The following TPTE2 variants were observed in gnomAD, a reference collection of about 807,000 sequenced individuals.
TPTE2 encodes the protein transmembrane phosphoinositide 3-phosphatase and tensin homolog 2, also known as phosphatidylinositol 3,4,5-trisphosphate 3-phosphatase TPTE2.
Under a neutral mutation model 78.6 loss-of-function variants are expected in TPTE2, and 53 were observed. The ratio of observed to expected loss-of-function variants is 0.67; its 90% CI spans 0.54 to 0.85. TPTE2 has a LOEUF of 0.85. Among genes scored for constraint, TPTE2 ranks in the 40% least tolerant of loss-of-function variants. TPTE2 has a pLI of 0.00. For missense variants in TPTE2, 461 were observed against 623.0 expected (o/e 0.74, Z 2.77); for synonymous variants, 175 against 206.2 (o/e 0.85, Z 1.30).
intron 1 of TPTE2, among the ~76,000 whole-genome samples, chr13:19,498,561 G>A (rs1025408694): frequency 9.9e-5 from 15 of 151,592 alleles, no homozygotes; most frequent in African/African-American, 1.9e-4. Flanking sequence ...CTTCATAAGC[G>A]AAGGAGAAAT....
intron 3 of TPTE2, among the ~76,000 whole-genome samples, chr13:19,484,955 G>A (rs1344178992): frequency 6.6e-6 from 1 of 152,018 alleles, no homozygotes; most frequent in Non-Finnish European, 1.5e-5. Flanking sequence ...ATCCTTCATG[G>A]GGTATTTAAT....
chr13:19,474,321 A>C (rs970472936), intron 5 of TPTE2, among the ~76,000 whole-genome samples: 1 of 152,180 alleles, frequency 6.6e-6, no homozygotes, highest in Non-Finnish European at 1.5e-5. Context: ...ACTTCACAAG[A>C]TATCATGGCC....
At position 19,439,510 on chromosome 13, in the gene TPTE2, T is replaced by TGG. The variant is rs768473972; in HGVS notation, c.974-1358_974-1357insCC. Among the ~76,000 whole-genome samples the TGG allele has an allele frequency of 2.8e-3, 420 of 152,160 alleles. 1 individual carries two copies. The highest frequency in any genetic ancestry group is 5.2e-3 in the Non-Finnish European group (357 of 68,002). On this transcript the variant is annotated intron_variant, in intron 13 of 19. Transcript: ENST00000400230. ...ATTACACAAATTAGAAGTGCTAGCA[T>TGG]CTCCAGATAAGAAGGACCCATGCAA...
chr13:19,431,363 A>C (rs1445385228), intron 16 of TPTE2, among the ~76,000 whole-genome samples: 2 of 152,068 alleles, frequency 1.3e-5, no homozygotes, highest in Non-Finnish European at 2.9e-5. Flanking sequence ...TTACAGACAA[A>C]GGCTCTTCTG....
At chr13:19,493,943 G>A (rs1566063895) in intron 1 of TPTE2, among the ~76,000 whole-genome samples, 1 of 152,164 alleles carries the variant, frequency 6.6e-6, no homozygotes, top group Non-Finnish European at 1.5e-5. Context: ...TGACACAGGG[G>A]CACAATCCAA....
chr13:19,457,829 T>C (rs1293894791), intron 10 of TPTE2, among the ~76,000 whole-genome samples: 1 of 152,204 alleles, frequency 6.6e-6, no homozygotes, highest in Non-Finnish European at 1.5e-5. Flanking sequence ...CAAAATGCCT[T>C]TGAATAAGTA....
chr13:19,437,030 A>T (rs1311311972), intron 14 of TPTE2, among the ~76,000 whole-genome samples: 1 of 51,454 alleles, frequency 1.9e-5, no homozygotes, highest in Non-Finnish European at 5.2e-5. Context: ...ACATTAATAA[A>T]CCTAGGAGAC....
At chr13:19,518,286 T>TA (rs1237358492) in intron 1 of TPTE2, among the ~76,000 whole-genome samples, 4 of 152,330 alleles carry the variant, frequency 2.6e-5, no homozygotes, top group Non-Finnish European at 5.9e-5. Context: ...ATATGCTAAT[T>TA]ACCATGATTT....
At chr13:19,559,825 C>T in the TPTE2 span, among the ~76,000 whole-genome samples, 5 of 101,990 alleles carry the variant, frequency 4.9e-5, no homozygotes, top group African/African-American at 1.3e-4. Context: ...ACACACGTTT[C>T]CAGCTTCTGA....
chr13:19,450,235 C>T (rs746988915), intron 12 of TPTE2, 28 bp downstream of exon 15: 6 of 1,610,812 alleles, frequency 3.7e-6, no homozygotes, highest in African/African-American at 2.7e-5. Context: ...TAGCCCTCTT[C>T]TGATAGTCAA....
chr13:19,555,766 G>C, the TPTE2 span, among the ~76,000 whole-genome samples: 1 of 148,768 alleles, frequency 6.7e-6, no homozygotes, highest in Non-Finnish European at 1.5e-5. Context: ...ATCTCTTTTG[G>C]CTGGACAACA....
In TPTE2 at chr13:19,482,536, C is replaced by T. The variant is rs372828300; in HGVS notation, c.131G>A (p.Arg44Gln). The stretch of plus-strand genomic sequence containing the variant: ...ATCTTCAACTTCAAACTTGGAAAGT[C>T]GTTCTAACATACTTTAGCCACCAAA... Residue 44 changes from arginine to glutamine, a missense_variant, in exon 4 of 20, where the codon CGA becomes CAA. Arg to Gln is a conservative substitution (Grantham distance 43, BLOSUM62 1). Transcript: ENST00000400230. 6.6e-5 allele frequency: 107 copies of T among 1,611,732 alleles called. No homozygotes were observed. The highest frequency in any genetic ancestry group is 3.3e-4 in the Middle Eastern group (2 of 6,070).
exon 17 of TPTE2, chr13:19,430,513 C>T: frequency 2.5e-6 from 4 of 1,610,818 alleles, no homozygotes; most frequent in Non-Finnish European, 3.4e-6. Context: ...CCTTTTTCTC[C>T]ATTACTACTT....
At chr13:19,516,382 T>C (rs79832773) in intron 1 of TPTE2, among the ~76,000 whole-genome samples, 1 of 152,196 alleles carries the variant, frequency 6.6e-6, no homozygotes, top group Non-Finnish European at 1.5e-5. Context: ...CAAAATCTTC[T>C]TAAACCTTCC....
At chr13:19,559,686 C>T in the TPTE2 span, among the ~76,000 whole-genome samples, 3 of 146,676 alleles carry the variant, frequency 2.0e-5, no homozygotes, top group Non-Finnish European at 3.1e-5. Flanking sequence ...GCCTGCACCC[C>T]CTTCCCTCCC....
rs148266718 is a variant in TPTE2, at chr13:19,485,932, T to A, written c.120-3385A>T. Among the ~76,000 whole-genome samples the A allele has an allele frequency of 6.6e-3, 1,003 of 152,278 alleles. 9 individuals carry two copies. The highest frequency in any genetic ancestry group is 0.023 in the African/African-American group (944 of 41,562). ...TCTCTTTCAAATCATGTTTTCCTGA[T>A]TTCATTGACTTGTCTATCTGTATTA... On this transcript the variant is annotated intron_variant, in intron 3 of 19. Transcript: ENST00000400230.
At chr13:19,554,395 A>AATAAATAAATAT in the TPTE2 span, among the ~76,000 whole-genome samples, 3 of 150,964 alleles carry the variant, frequency 2.0e-5, no homozygotes, top group Non-Finnish European at 3.0e-5. Context: ...TAAATAAATA[A>AATAAATAAATAT]ATAAATATAA....
Position 19,436,288 on chromosome 13 carries a change from CA to C in TPTE2, c.1053del (p.Phe351LeufsTer17). 6.2e-7 allele frequency: 1 copy of C among 1,613,114 alleles called. No homozygotes were observed. Among genetic ancestry groups the C allele is most frequent in the South Asian group, 1.1e-5 (1 of 90,980 alleles). Reference sequence around the variant, plus strand: ...TGGGTTTTATTGGTTCGCCTTTCTCCAAAATAATATAGGCTTTCCTACAAAA... The same window carrying C: ...TGGGTTTTATTGGTTCGCCTTTCTCCAAATAATATAGGCTTTCCTACAAAA... On this transcript the variant is annotated frameshift_variant, in exon 15 of 20. Transcript: ENST00000400230. LOFTEE classifies it high-confidence loss of function.
the TPTE2 span, among the ~76,000 whole-genome samples, chr13:19,547,503 C>T: frequency 6.6e-6 from 1 of 151,986 alleles, no homozygotes; most frequent in East Asian, 1.9e-4. Flanking sequence ...TACACCTATT[C>T]TTTGACCCTT....
Sources: allele counts gnomAD v4.1 joint callset (sites outside exome capture counted in the v4.1 genomes callset), GRCh38; gene constraint gnomAD v4.1.1; transcripts MANE v1.5; gene names NCBI Gene and HGNC (gene_info 2026-07-23, HGNC 2026-07-21).